ARID1B: variants seen among roughly 807,000 people sequenced by gnomAD.
ARID1B encodes AT-rich interactive domain-containing protein 1B.
A neutral mutation model predicts 212.3 loss-of-function variants in ARID1B; 30 were observed. That is an observed-to-expected ratio of 0.14 (90% confidence interval 0.11 to 0.19). The LOEUF (loss-of-function observed/expected upper bound fraction) is 0.19, where lower values mean the gene tolerates loss of function less well. ARID1B is among the 10% of genes least tolerant of loss of function. The pLI is 1.00. For missense variants in ARID1B, 2,891 were observed against 3,204.0 expected (o/e 0.90, Z 2.36); for synonymous variants, 1,402 against 1,301.7 (o/e 1.08, Z -1.66).
intron 2 of ARID1B, among the ~76,000 whole-genome samples, chr6:156,860,259 A>C (rs1478355081): frequency 1.3e-5 from 2 of 151,998 alleles, no homozygotes; most frequent in Non-Finnish European, 2.9e-5. Flanking sequence ...TTACAATTTT[A>C]TTTGATGTTC....
intron 4 of ARID1B, among the ~76,000 whole-genome samples, chr6:157,074,616 G>A (rs1784196876): frequency 6.6e-6 from 1 of 152,136 alleles, no homozygotes; most frequent in Non-Finnish European, 1.5e-5. Context: ...CAATATGATG[G>A]GCTAGTGAGT....
intron 1 of ARID1B, among the ~76,000 whole-genome samples, chr6:156,823,794 G>A (rs287877): frequency 0.61 from 91,434 of 150,806 alleles, 28,055 homozygotes; most frequent in Non-Finnish European, 0.66. Context: ...CTAATAAACT[G>A]TGTTCTTAAT....
intron 4 of ARID1B, among the ~76,000 whole-genome samples, chr6:156,965,744 T>G (rs1023564771): frequency 1.3e-5 from 2 of 152,226 alleles, no homozygotes; most frequent in African/African-American, 4.8e-5. Flanking sequence ...GGGGGCAGTT[T>G]GTGAACAATA....
rs2128462656 is a variant in ARID1B, at chr6:157,084,763, C to G, written c.2349C>G (p.Ser783Arg). Residue 783 changes from serine to arginine, a missense_variant, in exon 5 of 20, where the codon AGC becomes AGG. By Grantham distance (110) the Ser-to-Arg change is moderately radical (BLOSUM62 -1). Transcript: ENST00000636930. ...CCACGAGCAGCCAAGGGGATCAGAG[C>G]AACCCGGCGCAGTCGCCTTTCTCCC... ...SGSTSSQGDQ[S>R]NPAQSPFSPH... is the part of the protein sequence containing the mutation. 6.2e-7 allele frequency: 1 copy of G among 1,614,208 alleles called. No homozygotes were observed. Among genetic ancestry groups the G allele is most frequent in the South Asian group, 1.1e-5 (1 of 91,084 alleles).
chr6:157,104,335 C>G (rs1434252309), intron 5 of ARID1B, among the ~76,000 whole-genome samples: 1 of 152,160 alleles, frequency 6.6e-6, no homozygotes, highest in East Asian at 1.9e-4. Flanking sequence ...CCACTAAGAT[C>G]ACAAATGAGG....
intron 4 of ARID1B, among the ~76,000 whole-genome samples, chr6:157,082,169 G>T (rs1784676147): frequency 6.6e-6 from 1 of 152,158 alleles, no homozygotes; most frequent in Non-Finnish European, 1.5e-5. Flanking sequence ...GTTAAAGCTT[G>T]TACCAGTCAT....
intron 1 of ARID1B, among the ~76,000 whole-genome samples, chr6:156,784,243 T>G (rs1201023392): frequency 1.3e-5 from 2 of 152,204 alleles, no homozygotes; most frequent in Non-Finnish European, 2.9e-5. Flanking sequence ...TGCCGCACGC[T>G]TGCTGTGTGT....
chr6:157,036,663 A>G (rs1781349590), intron 4 of ARID1B: 1 of 341,464 alleles, frequency 2.9e-6, no homozygotes, highest in Middle Eastern at 5.5e-4. Flanking sequence ...CTGGGATTTC[A>G]GCCCAGCTCT....
chr6:157,030,452 T>C (rs1648784279), intron 4 of ARID1B: 1 of 152,236 alleles, frequency 6.6e-6, no homozygotes, highest in African/African-American at 2.4e-5. Context: ...TAACACCACA[T>C]TGCATAGTAG....
intron 4 of ARID1B, among the ~76,000 whole-genome samples, chr6:156,967,345 T>C (rs1794839832): frequency 6.6e-6 from 1 of 152,192 alleles, no homozygotes; most frequent in African/African-American, 2.4e-5. Context: ...TATTTAGCGA[T>C]ATTAAGACAC....
At chr6:156,868,246 A>C (rs1158188958) in intron 2 of ARID1B, among the ~76,000 whole-genome samples, 1 of 152,184 alleles carries the variant, frequency 6.6e-6, no homozygotes, top group Non-Finnish European at 1.5e-5. Context: ...CTGGAAAGAG[A>C]ATTGAGGAAT....
intron 5 of ARID1B, among the ~76,000 whole-genome samples, chr6:157,096,699 G>A (rs1008343438): frequency 6.6e-6 from 1 of 152,156 alleles, no homozygotes; most frequent in Non-Finnish European, 1.5e-5. Context: ...GAGCTGCGGG[G>A]TCCCTGAGGG....
chr6:156,896,475 C>T (rs167008), intron 2 of ARID1B, among the ~76,000 whole-genome samples: 1 of 147,410 alleles, frequency 6.8e-6, no homozygotes, highest in Non-Finnish European at 1.5e-5. Flanking sequence ...ACTCAGGAGG[C>T]TGAGACAGGA....
chr6:156,918,819 C>T (rs910954934), intron 3 of ARID1B, among the ~76,000 whole-genome samples: 10 of 152,120 alleles, frequency 6.6e-5, no homozygotes, highest in Admixed American at 5.9e-4. Flanking sequence ...TGCCTGCGCT[C>T]GCTCTGGCAG....
intron 1 of ARID1B, among the ~76,000 whole-genome samples, chr6:156,795,738 C>T (rs1480722772): frequency 6.6e-6 from 1 of 152,096 alleles, no homozygotes; most frequent in Non-Finnish European, 1.5e-5. Flanking sequence ...GGAGGGCTCC[C>T]GAGACCCTCT....
At chr6:157,080,589 C>T (rs1784577738) in intron 4 of ARID1B, among the ~76,000 whole-genome samples, 1 of 152,168 alleles carries the variant, frequency 6.6e-6, no homozygotes, top group African/African-American at 2.4e-5. Context: ...CGCTGCCCTC[C>T]CTGAGCCTGC....
intron 5 of ARID1B, among the ~76,000 whole-genome samples, chr6:157,098,168 G>A (rs1432761290): frequency 6.6e-6 from 1 of 151,844 alleles, no homozygotes; most frequent in Non-Finnish European, 1.5e-5. Flanking sequence ...TTGCCCTGGT[G>A]AGAGAAATAT....
intron 6 of ARID1B, among the ~76,000 whole-genome samples, chr6:157,114,522 TCAAAAAAAAA>T (rs1212276571): frequency 3.8e-5 from 1 of 26,000 alleles, no homozygotes; most frequent in African/African-American, 3.6e-4. Flanking sequence ...ACACTCCGTC[TCAAAAAAAAA>T]AAAAAAAAAA....
intron 2 of ARID1B, among the ~76,000 whole-genome samples, chr6:156,884,823 A>G (rs1450441046): frequency 5.9e-5 from 9 of 152,216 alleles, no homozygotes; most frequent in Non-Finnish European, 1.5e-5. Flanking sequence ...TGATTATTGA[A>G]TGTAGTAGCC....
Sources: gnomAD v4.1 joint callset for allele counts (sites outside exome capture counted in the v4.1 genomes callset) on GRCh38, gnomAD v4.1.1 for gene constraint, MANE v1.5 for transcripts, NCBI Gene and HGNC (gene_info 2026-07-23, HGNC 2026-07-21) for gene names.